The following MROH9 variants were observed in gnomAD, a reference collection of about 807,000 sequenced individuals.
MROH9 encodes maestro heat-like repeat-containing protein family member 9.
Under a neutral mutation model 98.2 loss-of-function variants are expected in MROH9, and 92 were observed. That is an observed-to-expected ratio of 0.94 (90% CI 0.79 to 1.11). The LOEUF (loss-of-function observed/expected upper bound fraction) is 1.11. MROH9 is among the 50% of genes most tolerant of loss of function. MROH9 has a pLI of 0.00. For synonymous variants in MROH9, 397 were observed against 368.9 expected (o/e 1.08, Z -0.87); for missense variants, 1,057 against 1,014.8 (o/e 1.04, Z -0.57).
rs577083882 is a variant in MROH9, at chr1:171,035,193, C to T, written c.2281+9773C>T. On this transcript the variant is annotated intron_variant, in intron 20 of 21. Coordinates refer to ENST00000367759, the MANE Select transcript of MROH9 (RefSeq NM_001163629.2). ...GAGAGAAATATTTGCACATGTGCAACTAAAATGTATTAATTTTGATATATT... is the reference window on the plus strand; with the variant it reads ...GAGAGAAATATTTGCACATGTGCAATTAAAATGTATTAATTTTGATATATT... Among the ~76,000 whole-genome samples the T allele has an allele frequency of 1.1e-4, 16 of 151,356 alleles. No individual in the cohort carries two copies. In the East Asian group the frequency reaches 2.7e-3, roughly 26 times the overall value.
chr1:170,970,729 TGTGAGAGA>T (rs1185523220), intron 7 of MROH9, among the ~76,000 whole-genome samples: 36 of 102,146 alleles, frequency 3.5e-4, no homozygotes, highest in African/African-American at 9.9e-4. Flanking sequence ...TGTGTGTGTG[TGTGAGAGA>T]GAGAGAGAGA....
intron 20 of MROH9, among the ~76,000 whole-genome samples, chr1:171,059,234 T>C (rs531512672): frequency 6.6e-6 from 1 of 152,086 alleles, no homozygotes; most frequent in Non-Finnish European, 1.5e-5. Flanking sequence ...GGGCAAAGGA[T>C]ATGAACAGAC....
chr1:170,943,293 A>G (rs1649195793), intron 1 of MROH9, among the ~76,000 whole-genome samples: 1 of 152,060 alleles, frequency 6.6e-6, no homozygotes, highest in Non-Finnish European at 1.5e-5. Context: ...TGTTAAAAAT[A>G]CTCCAAAAGC....
Position 171,064,297 on chromosome 1 carries a change from G to A in MROH9, c.2543G>A (p.Ser848Asn). Residue 848 changes from serine to asparagine, a missense_variant, in exon 22 of 22, where the codon AGT (serine) becomes AAT (asparagine). Ser to Asn is a conservative substitution (Grantham distance 46, BLOSUM62 1). Transcript: ENST00000367759. ...AACTCACCCAATGGCCAGATAGACA[G>A]TCCTACAGACAGTAAAGATGTCAAG... is the stretch of plus-strand genomic sequence containing the variant. ...NYNSPNGQID[S>N]PTDSKDVKND... is the part of the protein sequence containing the mutation. 1 of 1,549,860 alleles carries A rather than the reference G, an allele frequency of 6.5e-7. No individual in the cohort carries two copies. The highest frequency in any genetic ancestry group is 8.7e-7 in the Non-Finnish European group (1 of 1,146,366).
chr1:171,060,335 T>G (rs1653974063), intron 20 of MROH9, among the ~76,000 whole-genome samples: 1 of 152,148 alleles, frequency 6.6e-6, no homozygotes, highest in African/African-American at 2.4e-5. Context: ...GATTAAATAT[T>G]ATGATGATGT....
At chr1:170,938,637 G>C (rs913699865) in intron 1 of MROH9, among the ~76,000 whole-genome samples, 1 of 152,234 alleles carries the variant, frequency 6.6e-6, no homozygotes, top group Non-Finnish European at 1.5e-5. Context: ...GCAATGCTGT[G>C]TGGAATAACA....
rs141270689 is a variant in MROH9, at chr1:170,965,625, A to G, written c.480+370A>G. Among the ~76,000 whole-genome samples, 468 of 152,222 alleles carry G rather than the reference A, an allele frequency of 3.1e-3. 6 individuals are homozygous for G. Among genetic ancestry groups the G allele is most frequent in the African/African-American group, 0.011 (446 of 41,560 alleles). On this transcript the variant is annotated intron_variant, in intron 7 of 21. Transcript: ENST00000367759. ...TAATTTGAAAGCTGTTATTTATTTT[A>G]AATTTATACAAGTAATCCTCAAGTT...
chr1:171,033,529 C>T (rs1018419069), intron 20 of MROH9, among the ~76,000 whole-genome samples: 2 of 152,090 alleles, frequency 1.3e-5, no homozygotes, highest in African/African-American at 4.8e-5. Context: ...GTGTGGCTCT[C>T]AGGCCGGTCG....
chr1:170,945,882 T>C (rs1320391279), intron 2 of MROH9, among the ~76,000 whole-genome samples: 3 of 152,048 alleles, frequency 2.0e-5, no homozygotes, highest in Non-Finnish European at 2.9e-5. Context: ...ACTTGTCCAG[T>C]AAACTTTCTA....
rs537570668 is a variant in MROH9 at position 170,960,460 on chromosome 1, G to A, written c.288+863G>A. On this transcript the variant is annotated intron_variant, in intron 5 of 21. Coordinates refer to ENST00000367759, the MANE Select transcript of MROH9 (RefSeq NM_001163629.2). Reference sequence around the variant, plus strand: ...TTATATAGCATTTCATCATCCAAATGCCCCATGTTTATTAATGTTACATAT... The same window carrying A: ...TTATATAGCATTTCATCATCCAAATACCCCATGTTTATTAATGTTACATAT... 7.9e-5 allele frequency among the ~76,000 whole-genome samples: 12 copies of A among 152,172 alleles called. No homozygotes were observed. In the South Asian group the frequency reaches 2.5e-3, roughly 32 times the overall value.
chr1:171,010,169 A>G (rs539151606), intron 15 of MROH9, among the ~76,000 whole-genome samples: 4 of 151,668 alleles, frequency 2.6e-5, no homozygotes, highest in Admixed American at 1.3e-4. Context: ...TCATTGTTCA[A>G]CTCCCACTTA....
At chr1:170,956,783 C>A (rs1056647377) in intron 3 of MROH9, among the ~76,000 whole-genome samples, 1 of 151,718 alleles carries the variant, frequency 6.6e-6, no homozygotes, top group South Asian at 2.1e-4. Flanking sequence ...TCAAGGTAAA[C>A]GATCACATCG....
rs140824844 is a variant in MROH9 at position 171,019,480 on chromosome 1, C to T, written c.1908+3144C>T. Among the ~76,000 whole-genome samples, 950 of 152,032 alleles carry T rather than the reference C, an allele frequency of 6.2e-3. 3 individuals carry two copies. The highest frequency in any genetic ancestry group is 8.8e-3 in the Non-Finnish European group (598 of 67,966). On this transcript the variant is annotated intron_variant, in intron 17 of 21. Transcript: ENST00000367759. ...CAGCATGGCCAAGATGGTGAAACCC[C>T]ATCTCTACTAAAAATACAAAAATTA...
At position 170,993,763 on chromosome 1, in the gene MROH9, A is replaced by G. The variant is rs147107767; in HGVS notation, c.1194+1434A>G. Reference sequence around the variant, plus strand: ...CATTCATCATAATAAAGGACTTCAAAATATAATCAATGATCATAAAAGTTG... The same window carrying G: ...CATTCATCATAATAAAGGACTTCAAGATATAATCAATGATCATAAAAGTTG... On this transcript the variant is annotated intron_variant, in intron 12 of 21. Coordinates refer to ENST00000367759, the MANE Select transcript of MROH9 (RefSeq NM_001163629.2). Among the ~76,000 whole-genome samples, 388 of 152,300 alleles carry G rather than the reference A, an allele frequency of 2.5e-3. 2 individuals are homozygous for G. The highest frequency in any genetic ancestry group is 8.8e-3 in the African/African-American group (364 of 41,556).
At chr1:171,026,979 A>G (rs1436396404) in intron 20 of MROH9, among the ~76,000 whole-genome samples, 1 of 152,236 alleles carries the variant, frequency 6.6e-6, no homozygotes, top group Non-Finnish European at 1.5e-5. Flanking sequence ...AATTACAACC[A>G]GCAAAAGAGA....
At chr1:171,032,404 T>G (rs888241060) in intron 20 of MROH9, among the ~76,000 whole-genome samples, 2 of 152,230 alleles carry the variant, frequency 1.3e-5, no homozygotes, top group Non-Finnish European at 2.9e-5. Flanking sequence ...CTTTCTCATC[T>G]TCGTGAGTTT....
chr1:171,064,031 T>A (rs1011183088), intron 21 of MROH9, 68 bp from the exon 22 acceptor site: 3 of 1,444,222 alleles, frequency 2.1e-6, no homozygotes, highest in Non-Finnish European at 2.8e-6. Context: ...GCAGGGCTGT[T>A]TAGTATTAAA....
intron 1 of MROH9, among the ~76,000 whole-genome samples, chr1:170,940,017 TCA>T (rs985729734): frequency 2.0e-5 from 3 of 152,212 alleles, no homozygotes; most frequent in Non-Finnish European, 2.9e-5. Context: ...TGGACCTGTT[TCA>T]GTCTTCTTCT....
intron 20 of MROH9, among the ~76,000 whole-genome samples, chr1:171,055,083 T>A (rs1653794106): frequency 6.6e-6 from 1 of 151,342 alleles, no homozygotes; most frequent in Non-Finnish European, 1.5e-5. Flanking sequence ...CAGTACAATT[T>A]GCAATTGCAA....
Sources: allele counts gnomAD v4.1 joint callset (sites outside exome capture counted in the v4.1 genomes callset), GRCh38; gene constraint gnomAD v4.1.1; transcripts MANE v1.5; gene names NCBI Gene and HGNC (gene_info 2026-07-23, HGNC 2026-07-21).